The following TDG variants were observed in gnomAD, a reference collection of about 807,000 sequenced individuals.
TDG encodes thymine DNA glycosylase.
A neutral mutation model predicts 46.1 loss-of-function variants in TDG; 23 were observed. That is an observed-to-expected ratio of 0.50 (90% confidence interval 0.36 to 0.71). The LOEUF is 0.71. TDG is among the 30% of genes least tolerant of loss of function. TDG has a pLI of 0.00. For missense variants in TDG, 304 were observed against 486.7 expected, an observed-to-expected ratio of 0.62 and a Z score of 3.53; for synonymous variants, 115 against 161.3, an observed-to-expected ratio of 0.71 and a Z score of 2.18.
chr12:103,977,184 T>C, intron 2 of TDG, 124 bp downstream of exon 2: 2 of 1,337,218 alleles, frequency 1.5e-6, no homozygotes, highest in East Asian at 2.4e-5. Context: ...TTTTAAGTAC[T>C]TAGTATGTGC....
At chr12:103,967,455 A>G (rs964242410) in intron 1 of TDG, among the ~76,000 whole-genome samples, 19 of 116,156 alleles carry the variant, frequency 1.6e-4, no homozygotes, top group South Asian at 5.6e-4. Flanking sequence ...AAATAAATTT[A>G]CTTTTTTTTT....
chr12:103,966,659 G>T (rs982402831), intron 1 of TDG, among the ~76,000 whole-genome samples: 23 of 62,836 alleles, frequency 3.7e-4, no homozygotes, highest in Middle Eastern at 0.013. Context: ...AGTCCTTTGG[G>T]GGAGTCAAGA....
At position 103,983,311 on chromosome 12, in the gene TDG, T is replaced by C; in HGVS notation, c.714T>C (p.Phe238=). The stretch of plus-strand genomic sequence containing the variant: ...TCATTTTAGGTATTTATGAAATTTT[T>C]AGTAAAGAAGTTTTTGGAGTAAAGG... ...VFNGKCIYEI[F]SKEVFGVKVK... Residue 238 remains phenylalanine, a synonymous_variant, in exon 7 of 10, where the codon TTT becomes TTC. Coordinates refer to ENST00000392872, the MANE Select transcript of TDG (RefSeq NM_003211.6). 1 of 1,588,588 alleles carries C rather than the reference T, an allele frequency of 6.3e-7. No individual in the cohort carries two copies. Among genetic ancestry groups the C allele is most frequent in the Non-Finnish European group, 8.5e-7 (1 of 1,172,160 alleles).
intron 1 of TDG, among the ~76,000 whole-genome samples, chr12:103,976,355 C>T (rs549464243): frequency 6.6e-6 from 1 of 151,868 alleles, no homozygotes; most frequent in African/African-American, 2.4e-5. Flanking sequence ...AACAGTGAAC[C>T]AAGATCACAC....
Position 103,985,668 on chromosome 12 carries a change from G to T in TDG, c.1030G>T (p.Gly344Cys). The change falls in exon 9 of 10, where the codon GGT (glycine) becomes TGT (cysteine). Residue 344 changes from glycine (G) to cysteine (C), a missense_variant. Transcript: ENST00000392872. The part of the protein sequence containing the change: ...YDPGYEAAYG[G>C]AYGENPCSSE... ...TCCAGGTTATGAGGCAGCATATGGT[G>T]GTGCTTACGGAGAAAATCCATGCAG... The T allele has an allele frequency of 6.2e-7, 1 of 1,614,100 alleles. No individual in the cohort carries two copies. Among genetic ancestry groups the T allele is most frequent in the South Asian group, 1.1e-5 (1 of 91,060 alleles).
Position 103,979,818 on chromosome 12 carries a change from ATTTG to A in TDG, c.167-11_167-8del. ...AAGATTTTCTGCATTTCTGGAAATT[ATTTG>A]TATTTCAGAGGCTCCAAAAGGAAGA... On this transcript the variant is annotated splice_polypyrimidine_tract_variant and intron_variant, in intron 2 of 9. Coordinates refer to ENST00000392872, the MANE Select transcript of TDG (RefSeq NM_003211.6). The A allele has an allele frequency of 6.5e-7, 1 of 1,535,158 alleles. No individual in the cohort carries two copies. Among genetic ancestry groups the A allele is most frequent in the Non-Finnish European group, 8.7e-7 (1 of 1,150,680 alleles).
At chr12:103,976,717 G>T (rs1267504794) in intron 1 of TDG, among the ~76,000 whole-genome samples, 1 of 152,068 alleles carries the variant, frequency 6.6e-6, no homozygotes, top group African/African-American at 2.4e-5. Flanking sequence ...AGAGTTAATG[G>T]TTGGTTATTA....
chr12:103,966,211 T>TC, intron 1 of TDG, 151 bp downstream of exon 1: 2 of 1,090,372 alleles, frequency 1.8e-6, no homozygotes, highest in South Asian at 3.5e-5. Flanking sequence ...GGTCGGCCTT[T>TC]CCTTCCCTGG....
At chr12:103,974,586 T>C (rs1268917594) in intron 1 of TDG, among the ~76,000 whole-genome samples, 2 of 152,162 alleles carry the variant, frequency 1.3e-5, no homozygotes, top group African/African-American at 4.8e-5. Context: ...TGGCCTCATT[T>C]CCCTTTTTAA....
At position 103,966,053 on chromosome 12, in the gene TDG, G is replaced by A; in HGVS notation, c.16G>A (p.Ala6Thr). 3 of 1,593,596 alleles carry A rather than the reference G, an allele frequency of 1.9e-6. No individual in the cohort carries two copies. The highest frequency in any genetic ancestry group is 2.6e-6 in the Non-Finnish European group (3 of 1,170,874). The stretch of plus-strand genomic sequence containing the variant: ...GCCTCGGGGAATGGAAGCGGAGAAC[G>A]CGGGCAGGTAATACCGGGGCCAGCG... MEAENAGSYSLQQAQA... is the reference protein window; with the variant it reads MEAENTGSYSLQQAQA... Residue 6 changes from alanine (A) to threonine (T), a missense_variant, in exon 1 of 10, where the codon GCG (alanine) becomes ACG (threonine). Ala to Thr is a moderately conservative substitution (Grantham distance 58, BLOSUM62 0). Transcript: ENST00000392872.
chr12:103,981,305 G>A (rs1000718329), intron 4 of TDG, among the ~76,000 whole-genome samples: 7 of 142,206 alleles, frequency 4.9e-5, no homozygotes, highest in East Asian at 2.1e-4. Flanking sequence ...GCGCGATCTC[G>A]GCTCACCACA....
chr12:103,976,463 CAAATAA>C (rs982667460), intron 1 of TDG, among the ~76,000 whole-genome samples: 75 of 150,860 alleles, frequency 5.0e-4, no homozygotes, highest in African/African-American at 1.7e-3. Context: ...AGTAAACAGG[CAAATAA>C]AAATAAACTA....
At chr12:103,970,771 T>C (rs1016646344) in intron 1 of TDG, among the ~76,000 whole-genome samples, 5 of 151,598 alleles carry the variant, frequency 3.3e-5, no homozygotes, top group African/African-American at 1.2e-4. Flanking sequence ...ATTAAAAAAA[T>C]AAAAAAATAG....
chr12:103,979,861 G>A lies in TDG; in HGVS notation c.197G>A (p.Arg66Lys). 2 of 1,585,074 alleles carry A rather than the reference G, an allele frequency of 1.3e-6. No homozygotes were observed. Among genetic ancestry groups the A allele is most frequent in the Non-Finnish European group, 1.7e-6 (2 of 1,172,888 alleles). ...EAPKGRKRKP[R>K]TTEPKQPVEP... ...CCAAAAGGAAGAAAAAGAAAACCCAGAACAACAGAACCAAAACAACCAGTG... is the reference window on the plus strand; with the variant it reads ...CCAAAAGGAAGAAAAAGAAAACCCAAAACAACAGAACCAAAACAACCAGTG... Residue 66 changes from arginine to lysine, a missense_variant, in exon 3 of 10, where the codon AGA becomes AAA. By Grantham distance (26) the Arg-to-Lys change is conservative. Coordinates refer to ENST00000392872, the MANE Select transcript of TDG (RefSeq NM_003211.6).
intron 8 of TDG, 145 bp downstream of exon 8, chr12:103,985,065 GTATA>G (rs1314323545): frequency 5.0e-6 from 1 of 198,302 alleles, no homozygotes; most frequent in Non-Finnish European, 8.7e-6. Context: ...ATATACATGT[GTATA>G]TATACATATA....
chr12:103,966,204 C>T, intron 1 of TDG, 144 bp downstream of exon 1: 1 of 1,163,162 alleles, frequency 8.6e-7, no homozygotes, highest in Non-Finnish European at 1.2e-6. Flanking sequence ...GTGGCCTGGT[C>T]GGCCTTTCCT....
intron 1 of TDG, chr12:103,972,859 A>G (rs1352107967): frequency 2.2e-5 from 10 of 459,000 alleles, no homozygotes; most frequent in Admixed American, 1.2e-4. Flanking sequence ...TCTGAAGATG[A>G]TTAATGACCT....
At chr12:103,983,480 C>A in intron 7 of TDG, 91 bp downstream of exon 7, 1 of 878,256 alleles carries the variant, frequency 1.1e-6, no homozygotes, top group Non-Finnish European at 1.7e-6. Context: ...GTGATTTATA[C>A]CATGCAAAAC....
chr12:103,966,518 G>A (rs1593504658), intron 1 of TDG, among the ~76,000 whole-genome samples: 1 of 152,134 alleles, frequency 6.6e-6, no homozygotes, highest in Admixed American at 6.5e-5. Context: ...CCTACTGAAA[G>A]CAACTTTAAG....
Sources: allele counts gnomAD v4.1 joint callset (sites outside exome capture counted in the v4.1 genomes callset), GRCh38; gene constraint gnomAD v4.1.1; transcripts MANE v1.5; gene names NCBI Gene and HGNC (gene_info 2026-07-23, HGNC 2026-07-21).